KCNH7: variants seen among roughly 807,000 people sequenced by gnomAD.
KCNH7 encodes potassium voltage-gated channel subfamily H member 7.
In KCNH7, 49 loss-of-function variants were observed where a neutral mutation model predicts 120.8. That is an observed-to-expected ratio of 0.41 (90% CI 0.32 to 0.51). KCNH7 has a LOEUF of 0.51. Ranked by LOEUF, KCNH7 falls within the 20% of genes least tolerant of loss-of-function variation. The pLI is 0.38. For missense variants in KCNH7, 1,097 were observed against 1,446.6 expected (o/e 0.76, Z 3.92); for synonymous variants, 547 against 516.1 (o/e 1.06, Z -0.81).
chr2:162,440,625 G>T (rs753310911), intron 7 of KCNH7, among the ~76,000 whole-genome samples: 22 of 151,906 alleles, frequency 1.4e-4, no homozygotes, highest in Admixed American at 5.9e-4. Context: ...AAAATCTTGG[G>T]GAATTACCTA....
At chr2:162,505,651 C>T (rs895891509) in intron 5 of KCNH7, among the ~76,000 whole-genome samples, 1 of 151,810 alleles carries the variant, frequency 6.6e-6, no homozygotes, top group African/African-American at 2.4e-5. Flanking sequence ...ATATTACGTA[C>T]ACTGTTATTT....
intron 2 of KCNH7, among the ~76,000 whole-genome samples, chr2:162,694,225 G>C (rs1231412298): frequency 1.3e-5 from 2 of 152,084 alleles, no homozygotes; most frequent in African/African-American, 4.8e-5. Flanking sequence ...GGGAAATAAT[G>C]AACATCCTTC....
chr2:162,400,534 T>G, intron 9 of KCNH7, 93 bp from the exon 10 acceptor site: 2 of 1,279,596 alleles, frequency 1.6e-6, no homozygotes, highest in Admixed American at 3.8e-5. Flanking sequence ...ACTGCAGGTG[T>G]AGTCATTGCC....
At chr2:162,525,849 A>T (rs1266449762) in intron 3 of KCNH7, among the ~76,000 whole-genome samples, 1 of 151,894 alleles carries the variant, frequency 6.6e-6, no homozygotes, top group Admixed American at 6.6e-5. Context: ...TAGGTAACAC[A>T]ATCTTCCAAA....
chr2:162,536,844 G>C (rs931219242), intron 3 of KCNH7, 81 bp downstream of exon 3: 5 of 1,205,590 alleles, frequency 4.1e-6, no homozygotes, highest in Non-Finnish European at 2.4e-6. Context: ...TTTGAGAACT[G>C]AATTGAAATG....
intron 2 of KCNH7, among the ~76,000 whole-genome samples, chr2:162,662,997 T>A (rs1685018127): frequency 6.6e-6 from 1 of 152,202 alleles, no homozygotes; most frequent in Admixed American, 6.5e-5. Flanking sequence ...TTGGCCTTAT[T>A]TAATAGGTGA....
chr2:162,372,000 C>T lies in KCNH7; in HGVS notation c.3420G>A (p.Leu1140=), dbSNP rs1386608179. 3 of 1,613,762 alleles carry T rather than the reference C, an allele frequency of 1.9e-6. No individual in the cohort carries two copies. The highest frequency in any genetic ancestry group is 1.1e-5 in the South Asian group (1 of 91,048). Residue 1140 remains leucine (L), a synonymous_variant, in exon 16 of 16, where the codon TTG becomes TTA. Transcript: ENST00000332142. ...VHLNTASEDN[L]TSLLKQDSDL... is the part of the protein sequence containing the mutation. ...CACTGTCTTGTTTTAAAAGTGAAGT[C>T]AAGTTGTCTTCTGAAGCTGTGTTCA...
At chr2:162,716,153 C>T (rs1687117084) in intron 2 of KCNH7, among the ~76,000 whole-genome samples, 1 of 152,194 alleles carries the variant, frequency 6.6e-6, no homozygotes, top group East Asian at 1.9e-4. Context: ...TACTTCAAGT[C>T]CTTTTCTATG....
chr2:162,533,248 C>G (rs1318175176), intron 3 of KCNH7, among the ~76,000 whole-genome samples: 3 of 151,682 alleles, frequency 2.0e-5, no homozygotes, highest in Non-Finnish European at 4.4e-5. Flanking sequence ...GAAAAGATAA[C>G]ATAATGAAGT....
At chr2:162,703,816 C>G (rs1320053143) in intron 2 of KCNH7, among the ~76,000 whole-genome samples, 2 of 152,114 alleles carry the variant, frequency 1.3e-5, no homozygotes, top group Non-Finnish European at 2.9e-5. Flanking sequence ...ATCTGAAATA[C>G]TGACAATACA....
chr2:162,554,947 C>G (rs1325301625), intron 2 of KCNH7, among the ~76,000 whole-genome samples: 2 of 152,168 alleles, frequency 1.3e-5, no homozygotes, highest in African/African-American at 4.8e-5. Context: ...TGTAACACTT[C>G]TAGAAAGATA....
intron 2 of KCNH7, among the ~76,000 whole-genome samples, chr2:162,737,483 A>C (rs1687956831): frequency 6.6e-6 from 1 of 152,136 alleles, no homozygotes; most frequent in Non-Finnish European, 1.5e-5. Flanking sequence ...TTCTGCTATC[A>C]TTTGGGTGCA....
chr2:162,799,309 A>G (rs1405024234), intron 2 of KCNH7, among the ~76,000 whole-genome samples: 1 of 152,050 alleles, frequency 6.6e-6, no homozygotes, highest in Admixed American at 6.6e-5. Flanking sequence ...TTTTCTCCCT[A>G]AATTTTCTAT....
chr2:162,685,349 A>G (rs982635984), intron 2 of KCNH7, among the ~76,000 whole-genome samples: 1 of 152,132 alleles, frequency 6.6e-6, no homozygotes, highest in East Asian at 1.9e-4. Context: ...TATAATAAAA[A>G]AAAAGATATT....
At chr2:162,511,058 T>G (rs760982222) in intron 5 of KCNH7, among the ~76,000 whole-genome samples, 1 of 151,686 alleles carries the variant, frequency 6.6e-6, no homozygotes, top group African/African-American at 2.4e-5. Context: ...TAAATTGTGA[T>G]CGTAAAATTG....
intron 2 of KCNH7, among the ~76,000 whole-genome samples, chr2:162,745,002 A>C (rs80021487): frequency 0.023 from 3,559 of 152,322 alleles, 147 homozygotes; most frequent in African/African-American, 0.078. Context: ...ACACTTTGCA[A>C]GAGAAGTTGG....
At chr2:162,600,142 G>T (rs956706990) in intron 2 of KCNH7, among the ~76,000 whole-genome samples, 2 of 152,078 alleles carry the variant, frequency 1.3e-5, no homozygotes, top group East Asian at 3.9e-4. Flanking sequence ...CACATACAGA[G>T]ATGTTAAATG....
intron 2 of KCNH7, among the ~76,000 whole-genome samples, chr2:162,692,230 A>G (rs758195311): frequency 6.6e-6 from 1 of 151,684 alleles, no homozygotes; most frequent in Non-Finnish European, 1.5e-5. Flanking sequence ...GGTTCAAGCA[A>G]TTCTTGTGCC....
intron 2 of KCNH7, among the ~76,000 whole-genome samples, chr2:162,774,567 A>G (rs1205787452): frequency 6.6e-6 from 1 of 152,184 alleles, no homozygotes; most frequent in African/African-American, 2.4e-5. Flanking sequence ...TACCAAGAGC[A>G]AGTCTGTTCC....
Sources: gnomAD v4.1 joint callset for allele counts (sites outside exome capture counted in the v4.1 genomes callset) on GRCh38, gnomAD v4.1.1 for gene constraint, MANE v1.5 for transcripts, NCBI Gene and HGNC (gene_info 2026-07-23, HGNC 2026-07-21) for gene names.